Variants in PDE1C observed in about 807,000 individuals in gnomAD.
PDE1C encodes phosphodiesterase 1C, also known as dual specificity calcium/calmodulin-dependent 3',5'-cyclic nucleotide phosphodiesterase 1C.
Under a neutral mutation model 93.1 loss-of-function variants are expected in PDE1C, and 62 were observed. The ratio of observed to expected loss-of-function variants is 0.67; its 90% CI spans 0.54 to 0.82. The LOEUF (loss-of-function observed/expected upper bound fraction) is 0.82. Among genes scored for constraint, PDE1C ranks in the 40% least tolerant of loss-of-function variants. The pLI, the probability that PDE1C is intolerant of heterozygous loss-of-function variation, is 0.00. For synonymous variants in PDE1C, 325 were observed against 310.1 expected (o/e 1.05, Z -0.50); for missense variants, 742 against 884.6 (o/e 0.84, Z 2.04).
chr7:32,083,338 A>G (rs1659683208), intron 3 of PDE1C, among the ~76,000 whole-genome samples: 1 of 151,804 alleles, frequency 6.6e-6, no homozygotes. Context: ...CCTCCAAGAA[A>G]TATGGGACTA....
chr7:31,880,247 T>G (rs1562962332), intron 3 of PDE1C, among the ~76,000 whole-genome samples: 1 of 152,224 alleles, frequency 6.6e-6, no homozygotes, highest in Non-Finnish European at 1.5e-5. Flanking sequence ...TTAATACGTT[T>G]AGATAATTCA....
chr7:31,883,389 G>A (rs1797483678), intron 2 of PDE1C, among the ~76,000 whole-genome samples: 1 of 152,162 alleles, frequency 6.6e-6, no homozygotes, highest in Non-Finnish European at 1.5e-5. Flanking sequence ...AAATGGACAA[G>A]TAATTTAAAA....
chr7:31,634,708 G>C, the PDE1C span, among the ~76,000 whole-genome samples: 2 of 152,096 alleles, frequency 1.3e-5, no homozygotes, highest in Non-Finnish European at 2.9e-5. Flanking sequence ...AATTGTGCAG[G>C]GCTTGGTGGT....
At chr7:32,237,779 T>A in intron 1 of PDE1C, among the ~76,000 whole-genome samples, 1 of 135,648 alleles carries the variant, frequency 7.4e-6, no homozygotes, top group South Asian at 2.4e-4. Flanking sequence ...TTTTTTTTTT[T>A]TTTTTTTTTA....
At chr7:32,367,150 C>T (rs529194623) in intron 1 of PDE1C, among the ~76,000 whole-genome samples, 67 of 152,182 alleles carry the variant, frequency 4.4e-4, no homozygotes, top group African/African-American at 1.6e-3. Flanking sequence ...AGAGATATAC[C>T]ATTAATAGAC....
At chr7:32,088,337 C>T (rs888979755) in intron 3 of PDE1C, among the ~76,000 whole-genome samples, 1 of 152,182 alleles carries the variant, frequency 6.6e-6, no homozygotes, top group Non-Finnish European at 1.5e-5. Flanking sequence ...TCAGAGTTTG[C>T]TCTTCAAAAG....
the PDE1C span, among the ~76,000 whole-genome samples, chr7:31,637,151 G>C: frequency 6.6e-6 from 1 of 151,820 alleles, no homozygotes; most frequent in African/African-American, 2.4e-5. Flanking sequence ...GGACATTTGG[G>C]TTGGTTCCAA....
At chr7:31,738,732 A>T in the PDE1C span, among the ~76,000 whole-genome samples, 2 of 152,072 alleles carry the variant, frequency 1.3e-5, no homozygotes, top group African/African-American at 4.8e-5. Flanking sequence ...AAAAAATAAG[A>T]CTTGGGACTC....
chr7:31,656,125 C>A, the PDE1C span: 1 of 689,034 alleles, frequency 1.5e-6, no homozygotes, highest in Non-Finnish European at 1.8e-6. Flanking sequence ...ACTCCTATAT[C>A]ACTTTGCTTT....
chr7:32,424,162 C>G (rs1785485944), intron 1 of PDE1C, among the ~76,000 whole-genome samples: 1 of 152,220 alleles, frequency 6.6e-6, no homozygotes, highest in African/African-American at 2.4e-5. Flanking sequence ...AACATCTGCA[C>G]CTGACATATG....
At position 31,803,797 on chromosome 7, in the gene PDE1C, T is replaced by C. The variant is rs1264110342; in HGVS notation, c.1891+5234A>G. On this transcript the variant is annotated intron_variant, in intron 16 of 17. Coordinates refer to ENST00000396191, the MANE Select transcript of PDE1C (RefSeq NM_001191057.4). ...CACATTTTCTTAATTCAGTCTATCG[T>C]TGTTGGACATTTAGGTTGGTTCCAA... Among the ~76,000 whole-genome samples, 7 of 152,128 alleles carry C rather than the reference T, an allele frequency of 4.6e-5. No individual in the cohort carries two copies. In the East Asian group the frequency reaches 1.2e-3, roughly 25 times the overall value.
chr7:31,627,059 A>G, the PDE1C span, among the ~76,000 whole-genome samples: 2 of 152,232 alleles, frequency 1.3e-5, no homozygotes, highest in Non-Finnish European at 2.9e-5. Flanking sequence ...TCTTATTACT[A>G]TGAAATACAA....
chr7:32,369,883 G>T (rs170014), intron 1 of PDE1C, among the ~76,000 whole-genome samples: 136,868 of 152,214 alleles, frequency 0.9, 62,541 homozygotes, highest in East Asian at 1. Flanking sequence ...ACTGTTGGTA[G>T]GAGTGTAAAC....
chr7:32,264,126 A>G (rs1249341701), intron 1 of PDE1C, among the ~76,000 whole-genome samples: 1 of 152,164 alleles, frequency 6.6e-6, no homozygotes, highest in Non-Finnish European at 1.5e-5. Flanking sequence ...ATGATTGTAG[A>G]AGCTCTACAG....
the PDE1C span, among the ~76,000 whole-genome samples, chr7:31,672,559 T>G: frequency 1.3e-5 from 2 of 151,244 alleles, no homozygotes; most frequent in Non-Finnish European, 2.9e-5. Flanking sequence ...ATTTCTTTTT[T>G]TTCTTTTTCC....
the PDE1C span, among the ~76,000 whole-genome samples, chr7:31,632,844 A>C: frequency 6.6e-6 from 1 of 152,110 alleles, no homozygotes; most frequent in Non-Finnish European, 1.5e-5. Context: ...AGCTGATTTA[A>C]AGGGTCTGGG....
At chr7:31,703,886 T>C in the PDE1C span, among the ~76,000 whole-genome samples, 5 of 152,214 alleles carry the variant, frequency 3.3e-5, no homozygotes, top group African/African-American at 1.2e-4. Flanking sequence ...AAAGGGGTCA[T>C]CTCAAGCTTC....
At chr7:32,216,039 T>C (rs1806404573) in intron 1 of PDE1C, among the ~76,000 whole-genome samples, 1 of 152,216 alleles carries the variant, frequency 6.6e-6, no homozygotes, top group African/African-American at 2.4e-5. Context: ...AACATTGGAA[T>C]GAGGTTCCAG....
chr7:32,257,233 CA>C (rs1242518514), intron 1 of PDE1C, among the ~76,000 whole-genome samples: 1 of 152,092 alleles, frequency 6.6e-6, no homozygotes. Context: ...AGAAAAAAAA[CA>C]AATGAGAAAG....
Sources: gnomAD v4.1 joint callset for allele counts (sites outside exome capture counted in the v4.1 genomes callset) on GRCh38, gnomAD v4.1.1 for gene constraint, MANE v1.5 for transcripts, NCBI Gene and HGNC (gene_info 2026-07-23, HGNC 2026-07-21) for gene names.